Variants in GRB10 observed in about 807,000 individuals in gnomAD.
GRB10 encodes the protein growth factor receptor bound protein 10, also known as growth factor receptor-bound protein 10.
GRB10 carries 20 observed loss-of-function variants against 80.9 expected under a neutral mutation model. The observed-to-expected ratio is 0.25, with a 90% CI of 0.17 to 0.36. The LOEUF is 0.36. Among genes scored for constraint, GRB10 ranks in the 10% least tolerant of loss-of-function variants. The probability of loss-of-function intolerance (pLI) is 1.00; values close to 1 mark genes in which losing one functional copy is unlikely to be tolerated. For synonymous variants in GRB10, 291 were observed against 291.5 expected, an observed-to-expected ratio of 1.00 and a Z score of 0.02; for missense variants, 548 against 747.7, an observed-to-expected ratio of 0.73 and a Z score of 3.12.
intron 7 of GRB10, among the ~76,000 whole-genome samples, chr7:50,632,550 C>G (rs538823327): frequency 6.6e-6 from 1 of 152,254 alleles, no homozygotes; most frequent in Non-Finnish European, 1.5e-5. Context: ...GGTGCCCCAC[C>G]CTTAGTGAGA....
At chr7:50,649,273 G>A (rs1338586267) in intron 7 of GRB10, among the ~76,000 whole-genome samples, 1 of 152,222 alleles carries the variant, frequency 6.6e-6, no homozygotes, top group Non-Finnish European at 1.5e-5. Flanking sequence ...CAAGTGCTGT[G>A]TCAGAGGGAG....
At position 50,612,762 on chromosome 7, in the gene GRB10, C is replaced by T. The variant is rs1194990955; in HGVS notation, c.1173G>A (p.Met391Ile). 1 of 1,613,518 alleles carries T rather than the reference C, an allele frequency of 6.2e-7. No homozygotes were observed. The highest frequency in any genetic ancestry group is 8.5e-7 in the Non-Finnish European group (1 of 1,179,592). ...ATACCTTGAGGAGTCTGAACGCTGT[C>T]ATCCAGCACGTCCTGGTTTGCTCGT... is the stretch of plus-strand genomic sequence containing the variant. ...AEDEQTRTCWMTAFRLLKYGM... is the reference protein window; with the variant it reads ...AEDEQTRTCWITAFRLLKYGM... The change falls in exon 13 of 19, where the codon ATG (methionine) becomes ATA (isoleucine). Residue 391 changes from methionine to isoleucine, a missense_variant. Met to Ile is a conservative substitution (Grantham distance 10). Transcript: ENST00000401949.
chr7:50,674,839 T>A (rs1321808083), intron 5 of GRB10, among the ~76,000 whole-genome samples, 181 bp from the exon 6 acceptor site: 30 of 152,220 alleles, frequency 2.0e-4, no homozygotes. Context: ...TTACATGTAT[T>A]CATCATGACT....
chr7:50,773,216 T>G (rs2077154332), intron 2 of GRB10, among the ~76,000 whole-genome samples: 1 of 151,760 alleles, frequency 6.6e-6, no homozygotes, highest in African/African-American at 2.4e-5. Context: ...CGTGATTCAA[T>G]TACCTCCCAC....
At chr7:50,781,028 T>C (rs1337169953) in intron 1 of GRB10, 1 of 152,228 alleles carries the variant, frequency 6.6e-6, no homozygotes, top group Admixed American at 6.5e-5. Context: ...CACATTTTAA[T>C]CGACCAATCT....
chr7:50,784,707 G>T (rs2078617366), upstream of GRB10, among the ~76,000 whole-genome samples: 1 of 152,212 alleles, frequency 6.6e-6, no homozygotes, highest in African/African-American at 2.4e-5. Context: ...ACTAGAACAA[G>T]AACAGAATCT....
At chr7:50,595,698 C>G (rs1327482476) in intron 17 of GRB10, 168 bp from the exon 18 acceptor site, 3 of 615,100 alleles carry the variant, frequency 4.9e-6, no homozygotes, top group South Asian at 3.5e-5. Flanking sequence ...CTAGGGGCAA[C>G]AGCACACCAG....
chr7:50,693,645 T>C (rs1316705512), intron 5 of GRB10, among the ~76,000 whole-genome samples: 1 of 151,906 alleles, frequency 6.6e-6, no homozygotes, highest in African/African-American at 2.4e-5. Context: ...TCAAGGAAAA[T>C]GTTTTGATTC....
At chr7:50,762,418 C>T (rs928759699) in intron 2 of GRB10, among the ~76,000 whole-genome samples, 5 of 151,848 alleles carry the variant, frequency 3.3e-5, no homozygotes, top group African/African-American at 4.8e-5. Context: ...ACATTGCTGA[C>T]GGACACTCCA....
intron 13 of GRB10, among the ~76,000 whole-genome samples, chr7:50,609,531 G>A (rs2049136037): frequency 1.3e-5 from 2 of 152,324 alleles, no homozygotes; most frequent in South Asian, 4.1e-4. Flanking sequence ...ATGGGTGTGT[G>A]TAGACAGAAA....
intron 4 of GRB10, among the ~76,000 whole-genome samples, chr7:50,728,611 C>G (rs544081856): frequency 6.6e-6 from 1 of 152,304 alleles, no homozygotes; most frequent in South Asian, 2.1e-4. Context: ...CCCAACTCTG[C>G]TGATGGGGCT....
At chr7:50,703,684 T>C (rs970578006) in intron 5 of GRB10, 137 bp downstream of exon 5, 1 of 670,986 alleles carries the variant, frequency 1.5e-6, no homozygotes. Context: ...GGGAATTCAC[T>C]GTCCTTAATG....
intron 13 of GRB10, chr7:50,606,726 C>T (rs1432038408): frequency 2.5e-5 from 9 of 358,106 alleles, no homozygotes; most frequent in Admixed American, 1.3e-4. Context: ...ATGTATTCTA[C>T]ACCATATTTT....
chr7:50,637,307 T>C (rs760171081), intron 7 of GRB10, among the ~76,000 whole-genome samples: 2 of 152,216 alleles, frequency 1.3e-5, no homozygotes, highest in African/African-American at 4.8e-5. Flanking sequence ...GAAAGACTCC[T>C]AGACTTGATA....
At chr7:50,690,544 G>A (rs1183165957) in intron 5 of GRB10, among the ~76,000 whole-genome samples, 2 of 152,200 alleles carry the variant, frequency 1.3e-5, no homozygotes, top group African/African-American at 2.4e-5. Flanking sequence ...TCCTTGGACG[G>A]AAACGGTCCA....
intron 17 of GRB10, among the ~76,000 whole-genome samples, chr7:50,598,552 CAA>C (rs1292944942): frequency 6.6e-6 from 1 of 152,194 alleles, no homozygotes; most frequent in Admixed American, 6.5e-5. Flanking sequence ...AGACACCGTG[CAA>C]AGTGTTTCAT....
At chr7:50,649,611 A>G (rs2057731913) in intron 7 of GRB10, among the ~76,000 whole-genome samples, 1 of 152,204 alleles carries the variant, frequency 6.6e-6, no homozygotes, top group South Asian at 2.1e-4. Flanking sequence ...CTCTCTAGAA[A>G]TCATACAAGA....
intron 4 of GRB10, among the ~76,000 whole-genome samples, chr7:50,728,587 A>T (rs2069071722): frequency 6.6e-6 from 1 of 152,200 alleles, no homozygotes; most frequent in African/African-American, 2.4e-5. Context: ...TCTTCTGTAA[A>T]GGGTCAAACA....
intron 4 of GRB10, among the ~76,000 whole-genome samples, chr7:50,728,214 T>G (rs1587566907): frequency 2.7e-5 from 4 of 148,904 alleles, no homozygotes; most frequent in South Asian, 2.2e-4. Flanking sequence ...AGCCAAAGTA[T>G]GGGGGGGGGG....
Sources: gnomAD v4.1 joint callset for allele counts (sites outside exome capture counted in the v4.1 genomes callset) on GRCh38, gnomAD v4.1.1 for gene constraint, MANE v1.5 for transcripts, NCBI Gene and HGNC (gene_info 2026-07-23, HGNC 2026-07-21) for gene names.